Variants in LRRC4C observed in about 807,000 individuals in gnomAD.
The protein encoded by LRRC4C is leucine rich repeat containing 4C.
In LRRC4C, 5 loss-of-function variants were observed where a neutral mutation model predicts 33.6. The ratio of observed to expected loss-of-function variants is 0.15; its 90% confidence interval spans 0.08 to 0.31. The LOEUF (loss-of-function observed/expected upper bound fraction) is 0.31. Ranked by LOEUF, LRRC4C falls within the 10% of genes least tolerant of loss-of-function variation. The pLI is 1.00. For missense variants in LRRC4C, 560 were observed against 796.7 expected, an observed-to-expected ratio of 0.70 and a Z score of 3.58; for synonymous variants, 329 against 302.0, an observed-to-expected ratio of 1.09 and a Z score of -0.93.
At chr11:41,365,954 T>C (rs796614027) in intron 1 of LRRC4C, among the ~76,000 whole-genome samples, 4 of 152,328 alleles carry the variant, frequency 2.6e-5, no homozygotes, top group African/African-American at 9.6e-5. Flanking sequence ...ATAAAAATAG[T>C]ACCTTCCTCA....
At chr11:41,352,184 A>G (rs998862941) in intron 1 of LRRC4C, among the ~76,000 whole-genome samples, 2 of 152,220 alleles carry the variant, frequency 1.3e-5, no homozygotes, top group Admixed American at 6.5e-5. Context: ...AAACAAATTG[A>G]ACACAAAAAA....
chr11:40,525,412 C>T (rs893579990), intron 3 of LRRC4C, among the ~76,000 whole-genome samples: 1 of 152,116 alleles, frequency 6.6e-6, no homozygotes, highest in Non-Finnish European at 1.5e-5. Flanking sequence ...CACCACTGCA[C>T]TCCAGCCTGG....
At chr11:40,439,224 G>A (rs1951281013) in intron 3 of LRRC4C, among the ~76,000 whole-genome samples, 1 of 151,736 alleles carries the variant, frequency 6.6e-6, no homozygotes, top group African/African-American at 2.4e-5. Context: ...AGAGGCGTGA[G>A]CCACTGGGCC....
intron 1 of LRRC4C, among the ~76,000 whole-genome samples, chr11:40,990,788 C>T (rs1306771920): frequency 1.3e-5 from 2 of 151,890 alleles, no homozygotes; most frequent in East Asian, 1.9e-4. Flanking sequence ...TTTTTACTGC[C>T]GCAATGAAGG....
intron 6 of LRRC4C, among the ~76,000 whole-genome samples, chr11:40,137,924 G>A (rs1330172477): frequency 6.6e-6 from 1 of 152,126 alleles, no homozygotes; most frequent in Non-Finnish European, 1.5e-5. Flanking sequence ...AAAAGTGAGG[G>A]GAGGAAAGGA....
chr11:40,472,062 C>T (rs1016885523), intron 3 of LRRC4C, among the ~76,000 whole-genome samples: 6 of 151,474 alleles, frequency 4.0e-5, no homozygotes, highest in South Asian at 2.1e-4. Flanking sequence ...TTGGGAGGCC[C>T]GAGGAGGGCA....
intron 3 of LRRC4C, among the ~76,000 whole-genome samples, chr11:40,375,902 CT>C (rs1210537872): frequency 6.6e-6 from 1 of 152,112 alleles, no homozygotes; most frequent in African/African-American, 2.4e-5. Context: ...CACTTAATCT[CT>C]AGGTGCCTGA....
chr11:40,151,263 A>G (rs1262377262), intron 5 of LRRC4C, among the ~76,000 whole-genome samples: 1 of 152,190 alleles, frequency 6.6e-6, no homozygotes, highest in East Asian at 1.9e-4. Flanking sequence ...CAACCAGACA[A>G]CAGACTCTGA....
intron 1 of LRRC4C, among the ~76,000 whole-genome samples, chr11:41,282,224 T>C (rs1465403046): frequency 6.6e-6 from 1 of 152,200 alleles, no homozygotes; most frequent in Non-Finnish European, 1.5e-5. Flanking sequence ...GGACTGAGAT[T>C]TTAAGTGTGC....
At chr11:40,597,666 G>A (rs1056973483) in intron 3 of LRRC4C, among the ~76,000 whole-genome samples, 1 of 152,088 alleles carries the variant, frequency 6.6e-6, no homozygotes, top group Admixed American at 6.6e-5. Context: ...AAAAGAATAC[G>A]GTGGAATAAG....
intron 1 of LRRC4C, among the ~76,000 whole-genome samples, chr11:41,153,686 G>A (rs894984173): frequency 1.3e-5 from 2 of 152,064 alleles, no homozygotes; most frequent in African/African-American, 4.8e-5. Flanking sequence ...TAGCACAATA[G>A]CCCCCTTAAA....
intron 1 of LRRC4C, among the ~76,000 whole-genome samples, chr11:41,367,678 G>A (rs897411021): frequency 3.3e-5 from 5 of 151,884 alleles, no homozygotes; most frequent in Admixed American, 6.6e-5. Context: ...TTCTTCATAC[G>A]GTTTTCTTTT....
intron 1 of LRRC4C, among the ~76,000 whole-genome samples, chr11:41,336,596 A>C (rs1951463252): frequency 6.6e-6 from 1 of 152,152 alleles, no homozygotes. Flanking sequence ...CTTTTCATTC[A>C]CCCTTCCTAC....
intron 3 of LRRC4C, among the ~76,000 whole-genome samples, chr11:40,528,664 G>A (rs1049388164): frequency 6.6e-6 from 1 of 151,850 alleles, no homozygotes; most frequent in African/African-American, 2.4e-5. Context: ...ACTGAAATAA[G>A]AATCTCAAAA....
rs1371948099 is a variant in LRRC4C, at chr11:40,422,178, T to G, written c.-269-102457A>C. 3.9e-5 allele frequency among the ~76,000 whole-genome samples: 6 copies of G among 152,262 alleles called. No homozygotes were observed. In the East Asian group the frequency reaches 7.7e-4, roughly 20 times the overall value. On this transcript the variant is annotated intron_variant, in intron 3 of 6. Transcript: ENST00000528697. ...GAGAAATAGGAATAAGTAATAAAATTTATAAGTCCTCACCGTAATAACCAT... is the reference window on the plus strand; with the variant it reads ...GAGAAATAGGAATAAGTAATAAAATGTATAAGTCCTCACCGTAATAACCAT...
intron 3 of LRRC4C, among the ~76,000 whole-genome samples, chr11:40,617,233 T>C (rs1190531770): frequency 2.6e-5 from 4 of 151,794 alleles, no homozygotes; most frequent in Admixed American, 6.6e-5. Flanking sequence ...TATTATTGTA[T>C]GTGTGATGTA....
chr11:40,279,253 G>C (rs140435497), intron 4 of LRRC4C, among the ~76,000 whole-genome samples: 1 of 152,094 alleles, frequency 6.6e-6, no homozygotes, highest in Admixed American at 6.6e-5. Flanking sequence ...ACAGGTCCAA[G>C]AGATCAGTCC....
At chr11:41,317,624 T>TATG (rs1950834832) in intron 1 of LRRC4C, among the ~76,000 whole-genome samples, 1 of 152,016 alleles carries the variant, frequency 6.6e-6, no homozygotes, top group East Asian at 1.9e-4. Context: ...TTATTTGTAT[T>TATG]ATTATTATTA....
At chr11:40,992,980 C>A (rs1853688758) in intron 1 of LRRC4C, among the ~76,000 whole-genome samples, 1 of 152,142 alleles carries the variant, frequency 6.6e-6, no homozygotes, top group Non-Finnish European at 1.5e-5. Context: ...CTGGAAATTA[C>A]AATTTTCTGT....
Sources: gnomAD v4.1 joint callset for allele counts (sites outside exome capture counted in the v4.1 genomes callset) on GRCh38, gnomAD v4.1.1 for gene constraint, MANE v1.5 for transcripts, NCBI Gene and HGNC (gene_info 2026-07-23, HGNC 2026-07-21) for gene names.